MYCBP2: variants seen among roughly 807,000 people sequenced by gnomAD.
MYCBP2 encodes MYC binding protein 2.
MYCBP2 carries 120 observed loss-of-function variants against 525.3 expected under a neutral mutation model. The observed-to-expected ratio is 0.23, with a 90% CI of 0.20 to 0.27. The LOEUF (loss-of-function observed/expected upper bound fraction) is 0.27. Among genes scored for constraint, MYCBP2 ranks in the 10% least tolerant of loss-of-function variants. MYCBP2 has a pLI of 1.00. For synonymous variants in MYCBP2, 1,894 were observed against 1,955.8 expected, an observed-to-expected ratio of 0.97 and a Z score of 0.83; for missense variants, 4,149 against 5,657.1, an observed-to-expected ratio of 0.73 and a Z score of 8.55.
Position 77,251,309 on chromosome 13 carries a change from T to C in MYCBP2, c.2223A>G (p.Glu741=). 3.7e-6 allele frequency: 6 copies of C among 1,614,190 alleles called. No homozygotes were observed. The highest frequency in any genetic ancestry group is 4.2e-6 in the Non-Finnish European group (5 of 1,180,032). The change falls in exon 15 of 83, where the codon GAA becomes GAG. Residue 741 remains glutamate (E), a synonymous_variant. Transcript: ENST00000544440. ...TCTCATCTTTTTCATCTAGTTCTTCTTCCAGGTCTTCATCCATTGCTGTTG... is the reference window on the plus strand; with the variant it reads ...TCTCATCTTTTTCATCTAGTTCTTCCTCCAGGTCTTCATCCATTGCTGTTG... ...NMATAMDEDL[E]EELDEKDEKS...
chr13:77,214,530 A>C (rs2154286452), intron 21 of MYCBP2, among the ~76,000 whole-genome samples: 1 of 152,348 alleles, frequency 6.6e-6, no homozygotes, highest in African/African-American at 2.4e-5. Flanking sequence ...AGCAAAGTGC[A>C]AAAGAGCATA....
At chr13:77,270,981 T>C (rs2074804366) in intron 5 of MYCBP2, among the ~76,000 whole-genome samples, 1 of 152,198 alleles carries the variant, frequency 6.6e-6, no homozygotes, top group South Asian at 2.1e-4. Flanking sequence ...ATACAATAGT[T>C]AACCCATTTT....
intron 47 of MYCBP2, among the ~76,000 whole-genome samples, chr13:77,148,783 C>A (rs1038901545): frequency 6.6e-6 from 1 of 152,036 alleles, no homozygotes; most frequent in Non-Finnish European, 1.5e-5. Flanking sequence ...TCATTTTATC[C>A]GCTTTGTTTC....
intron 48 of MYCBP2, among the ~76,000 whole-genome samples, 175 bp downstream of exon 48, chr13:77,145,987 G>A (rs541007627): frequency 6.6e-6 from 1 of 151,712 alleles, no homozygotes; most frequent in Admixed American, 6.6e-5. Context: ...ACAGTTGAAT[G>A]TAAACACATT....
At chr13:77,216,050 A>ATTATCTTG in intron 21 of MYCBP2, among the ~76,000 whole-genome samples, 1 of 152,314 alleles carries the variant, frequency 6.6e-6, no homozygotes, top group Non-Finnish European at 1.5e-5. Context: ...TAGGACAGTC[A>ATTATCTTG]TACAGGGCCT....
chr13:77,093,319 T>G lies in MYCBP2; in HGVS notation c.10213A>C (p.Asn3405His). 1.2e-6 allele frequency: 2 copies of G among 1,613,120 alleles called. No individual in the cohort carries two copies. The highest frequency in any genetic ancestry group is 1.1e-5 in the South Asian group (1 of 90,994). Residue 3405 changes from asparagine to histidine, a missense_variant, in exon 59 of 83, where the codon AAT (asparagine) becomes CAT (histidine). Asn to His is a moderately conservative substitution (Grantham distance 68, BLOSUM62 1). Around this residue, in one of 21 missense-constraint regions of MYCBP2, gnomAD observed 509 missense variants for 789.4 expected, o/e 0.64. Transcript: ENST00000544440. ...TTGTCATCTTGATAGCCCACAAAAT[T>G]TTCATGATGATGCCTGCATTAAATC... ...LQTLARHHHE[N>H]FVGYQDDNLF...
At position 77,181,751 on chromosome 13, in the gene MYCBP2, G is replaced by T; in HGVS notation, c.4891C>A (p.Leu1631Ile). 1 of 1,614,114 alleles carries T rather than the reference G, an allele frequency of 6.2e-7. No homozygotes were observed. The highest frequency in any genetic ancestry group is 1.1e-5 in the South Asian group (1 of 91,082). ...ACCAAAAGGGGAAAACGATGAACTA[G>T]TGTTGAGTCGTTCTCTGTACTAACT... ...KQVSTENDST[L>I]VHRFPLLVAH... Residue 1631 changes from leucine (L) to isoleucine (I), a missense_variant, in exon 33 of 83, where the codon CTA becomes ATA. This residue lies in a region of MYCBP2 where 292 missense variants were observed against 330.5 expected (regional missense o/e 0.88). Coordinates refer to ENST00000544440, the MANE Select transcript of MYCBP2 (RefSeq NM_015057.5).
chr13:77,078,858 C>A lies in MYCBP2; in HGVS notation c.11450G>T (p.Gly3817Val). 1 of 1,613,576 alleles carries A rather than the reference C, an allele frequency of 6.2e-7. No homozygotes were observed. The highest frequency in any genetic ancestry group is 8.5e-7 in the Non-Finnish European group (1 of 1,179,650). ...TCTGCACAAATCTTCTACTGCTTTG[C>A]CAGTTAAGAAGGTCATTGAGGTAAC... ...NKVTSMTFLT[G>V]KAVEDLCRIK... The change falls in exon 66 of 83, where the codon GGC becomes GTC. Residue 3817 changes from glycine (G) to valine (V), a missense_variant. Transcript: ENST00000544440.
At chr13:77,175,637 G>A (rs1447534740) in intron 36 of MYCBP2, among the ~76,000 whole-genome samples, 1 of 152,126 alleles carries the variant, frequency 6.6e-6, no homozygotes. Flanking sequence ...TTACTTTGAT[G>A]TGGTAAAATT....
intron 52 of MYCBP2, among the ~76,000 whole-genome samples, chr13:77,128,524 A>T (rs1420953913): frequency 6.6e-6 from 1 of 151,928 alleles, no homozygotes; most frequent in South Asian, 2.1e-4. Flanking sequence ...CTGAAAGGCA[A>T]TTATGAAAAC....
chr13:77,287,177 A>G (rs1363002298), intron 3 of MYCBP2, among the ~76,000 whole-genome samples: 94 of 126,070 alleles, frequency 7.5e-4, no homozygotes, highest in Middle Eastern at 6.9e-3. Context: ...GTGAGCCATT[A>G]CGCCCAGCCA....
chr13:77,139,247 C>A lies in MYCBP2; in HGVS notation c.7608G>T (p.Trp2536Cys), dbSNP rs752525686. The change falls in exon 52 of 83, where the codon TGG becomes TGT. Residue 2536 changes from tryptophan (W) to cysteine (C), a missense_variant. Physicochemically the swap from Trp to Cys is radical, Grantham distance 215. This residue lies in a region of MYCBP2 where 692 missense variants were observed against 852.7 expected (regional missense o/e 0.81). Transcript: ENST00000544440. ...CAAGATGTTGATTAAAAGAGAGGCA[C>A]CAGGCTTCAGTGTAACCATTCATGT... ...VPNMNGYTEA[W>C]CLSFNQHLGK... The A allele has an allele frequency of 6.2e-7, 1 of 1,613,866 alleles. No homozygotes were observed. The highest frequency in any genetic ancestry group is 1.1e-5 in the South Asian group (1 of 91,050).
At chr13:77,251,130 G>A in intron 15 of MYCBP2, 21 bp downstream of exon 15, 2 of 1,608,222 alleles carry the variant, frequency 1.2e-6, no homozygotes, top group Non-Finnish European at 1.7e-6. Context: ...ATGTTCTTTA[G>A]TAGGAATCAT....
intron 60 of MYCBP2, among the ~76,000 whole-genome samples, chr13:77,089,645 C>CTCTTTTTTTTTTT (rs1566471622): frequency 6.9e-6 from 1 of 145,280 alleles, no homozygotes; most frequent in Non-Finnish European, 1.5e-5. Flanking sequence ...GATCATGTAA[C>CTCTTTTTTTTTTT]TGTTTTTTTT....
chr13:77,228,999 G>C (rs531690335), intron 18 of MYCBP2, among the ~76,000 whole-genome samples: 1 of 152,220 alleles, frequency 6.6e-6, no homozygotes, highest in Non-Finnish European at 1.5e-5. Flanking sequence ...AAACAAATCA[G>C]CAAGGACAAA....
In MYCBP2 at chr13:77,157,708, C is replaced by T. The variant is rs1264641152; in HGVS notation, c.6770+229G>A. Among the ~76,000 whole-genome samples, 5 of 152,168 alleles carry T rather than the reference C, an allele frequency of 3.3e-5. No individual in the cohort carries two copies. In the East Asian group the frequency reaches 7.7e-4, roughly 23 times the overall value. ...GAGGTTGCAGTGAGCTGAGATCATG[C>T]CACTGCACTCCAGCCTGGGCAACAC... is the stretch of plus-strand genomic sequence containing the variant. On this transcript the variant is annotated intron_variant, in intron 45 of 82. Coordinates refer to ENST00000544440, the MANE Select transcript of MYCBP2 (RefSeq NM_015057.5).
intron 18 of MYCBP2, among the ~76,000 whole-genome samples, chr13:77,227,463 TACAC>T (rs1231980266): frequency 2.5e-5 from 3 of 118,704 alleles, no homozygotes; most frequent in African/African-American, 9.8e-5. Flanking sequence ...TGCAAAAGCC[TACAC>T]ACACACACAC....
chr13:77,319,535 T>C (rs1415074364), intron 1 of MYCBP2, among the ~76,000 whole-genome samples: 2 of 152,190 alleles, frequency 1.3e-5, no homozygotes, highest in Non-Finnish European at 2.9e-5. Context: ...GCTAAATAAA[T>C]TTCCTTTTAC....
intron 79 of MYCBP2, 28 bp from the exon 80 acceptor site, chr13:77,055,795 CA>C: frequency 1.3e-6 from 2 of 1,532,446 alleles, no homozygotes; most frequent in Non-Finnish European, 1.8e-6. Flanking sequence ...CACTCTTTAG[CA>C]GAATCATTTA....
Sources: gnomAD v4.1 joint callset for allele counts (sites outside exome capture counted in the v4.1 genomes callset) on GRCh38, gnomAD v4.1.1 for gene constraint, gnomAD v4.1.1 regional missense constraint, MANE v1.5 for transcripts, NCBI Gene and HGNC (gene_info 2026-07-23, HGNC 2026-07-21) for gene names.